The following UNC13C variants were observed in gnomAD, a reference collection of about 807,000 sequenced individuals.
The protein encoded by UNC13C is unc-13 homolog C.
In UNC13C, 174 loss-of-function variants were observed where a neutral mutation model predicts 245.4. The observed-to-expected ratio is 0.71, with a 90% CI of 0.63 to 0.80. The LOEUF is 0.80. Ranked by LOEUF, UNC13C falls within the 30% of genes least tolerant of loss-of-function variation. UNC13C has a pLI of 0.00. For synonymous variants in UNC13C, 992 were observed against 895.1 expected, an observed-to-expected ratio of 1.11 and a Z score of -1.93; for missense variants, 2,829 against 2,602.9, an observed-to-expected ratio of 1.09 and a Z score of -1.89.
chr15:54,189,073 A>G (rs1011854802), intron 4 of UNC13C, among the ~76,000 whole-genome samples: 3 of 152,190 alleles, frequency 2.0e-5, no homozygotes, highest in Non-Finnish European at 2.9e-5. Flanking sequence ...TAGATAATTC[A>G]GAGATTTATG....
At chr15:54,041,360 A>T (rs547234360) in intron 2 of UNC13C, among the ~76,000 whole-genome samples, 2 of 152,336 alleles carry the variant, frequency 1.3e-5, no homozygotes, top group South Asian at 4.1e-4. Context: ...ATTATAAATA[A>T]CACTTCTCTG....
chr15:54,413,244 T>A (rs1229971029), intron 18 of UNC13C, among the ~76,000 whole-genome samples: 3 of 151,998 alleles, frequency 2.0e-5, no homozygotes, highest in Non-Finnish European at 4.4e-5. Flanking sequence ...TTTTAGTTTT[T>A]AGTTTTAGTT....
chr15:53,998,799 A>C (rs1201415339), intron 1 of UNC13C, among the ~76,000 whole-genome samples: 1 of 152,018 alleles, frequency 6.6e-6, no homozygotes, highest in Non-Finnish European at 1.5e-5. Flanking sequence ...GAAATGTTTT[A>C]TGGCATAAAT....
At chr15:54,130,608 C>T (rs897272252) in intron 2 of UNC13C, among the ~76,000 whole-genome samples, 1 of 152,000 alleles carries the variant, frequency 6.6e-6, no homozygotes, top group African/African-American at 2.4e-5. Context: ...TAATTTTTAA[C>T]AGTATTTTAT....
chr15:54,425,131 C>G (rs2040733367), intron 19 of UNC13C, among the ~76,000 whole-genome samples: 1 of 151,908 alleles, frequency 6.6e-6, no homozygotes, highest in South Asian at 2.1e-4. Flanking sequence ...ATAGTTTATT[C>G]TTTTACATGA....
rs1025446494 is a variant in UNC13C, at chr15:54,567,880, T to C, written c.6039T>C (p.Ala2013=). 1.9e-6 allele frequency: 3 copies of C among 1,598,722 alleles called. No individual in the cohort carries two copies. The highest frequency in any genetic ancestry group is 1.7e-6 in the Non-Finnish European group (2 of 1,171,570). The part of the protein sequence containing the change: ...KSPDLQSLRY[A]LSLYTQTTDA... ...CAGATCTTCAGTCTCTGAGATATGC[T>C]CTCAGTCTTTATACCCAAACTACTG... Residue 2013 remains alanine (A), a synonymous_variant, in exon 30 of 33, where the codon GCT becomes GCC. Coordinates refer to ENST00000260323, the MANE Select transcript of UNC13C (RefSeq NM_001080534.3).
In UNC13C at chr15:54,449,584, G is replaced by A. The variant is rs540888945; in HGVS notation, c.4933+34517G>A. Among the ~76,000 whole-genome samples the A allele has an allele frequency of 1.4e-4, 21 of 152,280 alleles. No homozygotes were observed. The South Asian group carries it at 4.1e-3, about 30-fold the overall frequency. ...GATCAAATCAGCTACTGAAGCTTGT[G>A]CATTCATCACATAGTTCTCGAGCCA... On this transcript the variant is annotated intron_variant, in intron 19 of 32. Transcript: ENST00000260323.
At chr15:54,203,501 T>TACAC (rs1225487391) in intron 4 of UNC13C, among the ~76,000 whole-genome samples, 3 of 142,298 alleles carry the variant, frequency 2.1e-5, no homozygotes, top group African/African-American at 7.9e-5. Flanking sequence ...TATATATATA[T>TACAC]ATACACACAC....
intron 30 of UNC13C, among the ~76,000 whole-genome samples, chr15:54,586,461 G>A (rs1898497576): frequency 6.6e-6 from 1 of 152,172 alleles, no homozygotes; most frequent in Non-Finnish European, 1.5e-5. Flanking sequence ...CGTGCACAGG[G>A]AAAGAGATCT....
chr15:54,455,198 T>C lies in UNC13C; in HGVS notation c.4934-39410T>C, dbSNP rs1351219037. On this transcript the variant is annotated intron_variant, in intron 19 of 32. Coordinates refer to ENST00000260323, the MANE Select transcript of UNC13C (RefSeq NM_001080534.3). ...CTCTCTCTCTCTCTCTCTCTCTCTCTCTCTCTCTATATATATATATATATA... is the reference window on the plus strand; with the variant it reads ...CTCTCTCTCTCTCTCTCTCTCTCTCCCTCTCTCTATATATATATATATATA... 3.9e-4 allele frequency among the ~76,000 whole-genome samples: 23 copies of C among 58,664 alleles called. 1 individual carries two copies. Among genetic ancestry groups the C allele is most frequent in the Admixed American group, 8.6e-4 (4 of 4,644 alleles). The allele number at this position is 58,664 out of a possible 152,430, so 38.5% of individuals were successfully genotyped here.
intron 19 of UNC13C, among the ~76,000 whole-genome samples, chr15:54,433,608 C>T (rs188564187): frequency 6.6e-6 from 1 of 152,012 alleles, no homozygotes; most frequent in Non-Finnish European, 1.5e-5. Flanking sequence ...CTATTTATGA[C>T]AAACTTATAG....
chr15:54,169,359 C>T (rs1000177850), intron 4 of UNC13C, among the ~76,000 whole-genome samples: 4 of 152,178 alleles, frequency 2.6e-5, no homozygotes, highest in African/African-American at 4.8e-5. Flanking sequence ...AATCCAACCT[C>T]TTCCTAAATA....
chr15:53,938,567 G>A, the UNC13C span, among the ~76,000 whole-genome samples: 1 of 152,002 alleles, frequency 6.6e-6, no homozygotes, highest in South Asian at 2.1e-4. Flanking sequence ...TTCTTCTCAT[G>A]GCCAAATGAT....
intron 31 of UNC13C, 120 bp downstream of exon 31, chr15:54,622,539 A>C (rs1900861836): frequency 1.4e-6 from 1 of 703,592 alleles, no homozygotes; most frequent in Non-Finnish European, 2.3e-6. Context: ...GGGCATGCAC[A>C]AAATTTCCTA....
rs549999554 is a variant in UNC13C, at chr15:54,224,859, C to T, written c.3072-10171C>T. On this transcript the variant is annotated intron_variant, in intron 4 of 32. Transcript: ENST00000260323. ...GGTCTGTTCAGGTCTTGAATCTCTT[C>T]CTGGTTTAATTTTTGTAGGTTTTAT... Among the ~76,000 whole-genome samples, 378 of 152,146 alleles carry T rather than the reference C, an allele frequency of 2.5e-3. 1 individual carries two copies. The highest frequency in any genetic ancestry group is 8.8e-3 in the African/African-American group (364 of 41,552).
chr15:54,197,790 T>G (rs1409067742), intron 4 of UNC13C, among the ~76,000 whole-genome samples: 1 of 152,100 alleles, frequency 6.6e-6, no homozygotes, highest in African/African-American at 2.4e-5. Flanking sequence ...CAAGAACTAG[T>G]GCAGGAACAT....
At chr15:54,496,952 C>G (rs1203044141) in intron 20 of UNC13C, among the ~76,000 whole-genome samples, 1 of 151,842 alleles carries the variant, frequency 6.6e-6, no homozygotes, top group Non-Finnish European at 1.5e-5. Flanking sequence ...CACGTGTTCC[C>G]CTCAAAACCT....
chr15:54,091,764 C>A, intron 2 of UNC13C, among the ~76,000 whole-genome samples: 1 of 151,574 alleles, frequency 6.6e-6, no homozygotes, highest in South Asian at 2.1e-4. Context: ...TCAATTGATA[C>A]TTTTTTTTAA....
chr15:54,153,521 T>C (rs1567053485), intron 4 of UNC13C, among the ~76,000 whole-genome samples: 1 of 152,028 alleles, frequency 6.6e-6, no homozygotes, highest in Non-Finnish European at 1.5e-5. Flanking sequence ...AGAGCTGAGA[T>C]TTGAACTAGA....
Sources: allele counts gnomAD v4.1 joint callset (sites outside exome capture counted in the v4.1 genomes callset), GRCh38; gene constraint gnomAD v4.1.1; transcripts MANE v1.5; gene names NCBI Gene and HGNC (gene_info 2026-07-23, HGNC 2026-07-21).